Variants in CNTD1 observed in about 807,000 individuals in gnomAD.
CNTD1 encodes cyclin N-terminal domain containing 1, also known as cyclin N-terminal domain-containing protein 1.
CNTD1 carries 17 observed loss-of-function variants against 36.3 expected under a neutral mutation model. That is an observed-to-expected ratio of 0.47 (90% CI 0.32 to 0.70). The LOEUF (loss-of-function observed/expected upper bound fraction) is 0.70. Among genes scored for constraint, CNTD1 ranks in the 30% least tolerant of loss-of-function variants. CNTD1 has a pLI of 0.03. For synonymous variants in CNTD1, 128 were observed against 153.3 expected, an observed-to-expected ratio of 0.83 and a Z score of 1.22; for missense variants, 338 against 386.1, an observed-to-expected ratio of 0.88 and a Z score of 1.04.
At chr17:42,804,044 G>T (rs2054836999) in intron 2 of CNTD1, among the ~76,000 whole-genome samples, 181 bp from the exon 3 acceptor site, 1 of 151,168 alleles carries the variant, frequency 6.6e-6, no homozygotes, top group Non-Finnish European at 1.5e-5. Context: ...TTGCCATGTT[G>T]CCCAGGGTGG....
At chr17:42,804,431 G>A (rs755591350) in intron 3 of CNTD1, 35 bp downstream of exon 3, 4 of 1,581,964 alleles carry the variant, frequency 2.5e-6, no homozygotes, top group East Asian at 4.5e-5. Context: ...GCACCTGAGT[G>A]TTAGGAAGAA....
chr17:42,805,879 T>A lies in CNTD1; in HGVS notation c.575T>A (p.Val192Asp). Residue 192 changes from valine to aspartate, a missense_variant, in exon 4 of 7, where the codon GTT becomes GAT. Coordinates refer to ENST00000588408, the MANE Select transcript of CNTD1 (RefSeq NM_173478.3). ...GCATATGTGGAGACGCTCCTAGAGG[T>A]TTTAGGTATCTTACTGTGTTAGGGA... ...PLAYVETLLE[V>D]LGYNGCLVPA... 6.2e-7 allele frequency: 1 copy of A among 1,609,762 alleles called. No homozygotes were observed. The highest frequency in any genetic ancestry group is 8.5e-7 in the Non-Finnish European group (1 of 1,178,224).
intron 4 of CNTD1, 91 bp from the exon 5 acceptor site, chr17:42,806,583 T>C: frequency 1.5e-6 from 2 of 1,323,220 alleles, no homozygotes; most frequent in Non-Finnish European, 2.1e-6. Flanking sequence ...GGAAGCACAT[T>C]AGCACCTCAA....
Position 42,811,363 on chromosome 17 carries a change from T to C in CNTD1, c.*1828T>C. The C allele has an allele frequency of 3.0e-6, 1 of 330,518 alleles. No individual in the cohort carries two copies. Among genetic ancestry groups the C allele is most frequent in the East Asian group, 5.0e-5 (1 of 20,120 alleles). The allele number at this position is 330,518 out of a possible 1,614,324, so 20.5% of individuals were successfully genotyped here. On this transcript the variant is annotated 3_prime_UTR_variant, in exon 7 of 7. Transcript: ENST00000588408. ...AATCAAAAGAAGCATTCCTGTGTAT[T>C]TCCAAGGGCTTCAGGGAAAAACCTT...
intron 2 of CNTD1, 44 bp downstream of exon 2, chr17:42,803,739 T>C (rs756197975): frequency 6.8e-7 from 1 of 1,463,888 alleles, no homozygotes; most frequent in Admixed American, 1.8e-5. Context: ...CCTCTCAGAG[T>C]GGCTAATGTA....
intron 5 of CNTD1, 33 bp from the exon 6 acceptor site, chr17:42,807,735 A>G: frequency 6.9e-7 from 1 of 1,448,462 alleles, no homozygotes; most frequent in Non-Finnish European, 9.7e-7. Flanking sequence ...GTTCCATTCT[A>G]GCTTTAAAAT....
chr17:42,811,074 T>C lies in CNTD1; in HGVS notation c.*1539T>C. ...AATGATAGTGTATTTTGGATTTGCT[T>C]GAAAGCCAAAAATCAAGAAGACTGT... On this transcript the variant is annotated 3_prime_UTR_variant, in exon 7 of 7. Coordinates refer to ENST00000588408, the MANE Select transcript of CNTD1 (RefSeq NM_173478.3). 1.2e-6 allele frequency: 1 copy of C among 845,334 alleles called. No homozygotes were observed. The highest frequency in any genetic ancestry group is 1.7e-6 in the Non-Finnish European group (1 of 586,198). The allele number at this position is 845,334 out of a possible 1,614,324, so 52.4% of individuals were successfully genotyped here. A position where few individuals can be genotyped will look rare whatever the true frequency, so the allele number is the denominator to read the frequency against.
intron 1 of CNTD1, among the ~76,000 whole-genome samples, chr17:42,800,066 G>C (rs2054751488): frequency 8.7e-6 from 1 of 115,172 alleles, no homozygotes; most frequent in Non-Finnish European, 1.6e-5. Context: ...GCGAGACTCT[G>C]TCTAAAAAAA....
chr17:42,803,541 C>T (rs922189621), intron 1 of CNTD1, 79 bp from the exon 2 acceptor site: 14 of 1,130,690 alleles, frequency 1.2e-5, no homozygotes. Context: ...CCCATCACGG[C>T]TTTTACACAA....
At chr17:42,799,614 T>C (rs899042974) in intron 1 of CNTD1, among the ~76,000 whole-genome samples, 1 of 151,388 alleles carries the variant, frequency 6.6e-6, no homozygotes, top group Non-Finnish European at 1.5e-5. Context: ...TAGCCAGGAC[T>C]GGTGGCGCGC....
chr17:42,804,446 G>C (rs2054845151), intron 3 of CNTD1, 50 bp downstream of exon 3: 2 of 1,494,370 alleles, frequency 1.3e-6, no homozygotes, highest in Non-Finnish European at 1.8e-6. Context: ...GAAGAAACCA[G>C]CTTTTATACA....
rs2054988869 is a variant in CNTD1, at chr17:42,810,985, G to C, written c.*1450G>C. 1.3e-6 allele frequency: 2 copies of C among 1,489,180 alleles called. No homozygotes were observed. Among genetic ancestry groups the C allele is most frequent in the Non-Finnish European group, 1.8e-6 (2 of 1,110,616 alleles). The allele number at this position is 1,489,180 out of a possible 1,614,324, so 92.2% of individuals were successfully genotyped here. On this transcript the variant is annotated 3_prime_UTR_variant, in exon 7 of 7. Transcript: ENST00000588408. ...ACTGAGATCTGAGTTAAGTAAGTTC[G>C]GGGCAGGGACTTGATCATGGGACCA...
At chr17:42,806,189 C>T (rs963683785) in intron 4 of CNTD1, among the ~76,000 whole-genome samples, 19 of 151,260 alleles carry the variant, frequency 1.3e-4, no homozygotes, top group Middle Eastern at 3.4e-3. Flanking sequence ...GATCATGCCA[C>T]TGCACTCCAG....
intron 4 of CNTD1, 69 bp downstream of exon 4, chr17:42,805,953 G>A (rs1360122053): frequency 2.8e-6 from 4 of 1,426,512 alleles, no homozygotes; most frequent in Non-Finnish European, 3.8e-6. Flanking sequence ...GTGCATGGGG[G>A]GGCATGGCTC....
chr17:42,803,808 CCTCT>C (rs2054833515), intron 2 of CNTD1, 113 bp downstream of exon 2: 9 of 771,810 alleles, frequency 1.2e-5, no homozygotes, highest in African/African-American at 3.5e-5. Context: ...GGTTTTACAC[CCTCT>C]CTAACTTGCA....
Position 42,804,363 on chromosome 17 carries a change from T to C in CNTD1, c.384T>C (p.Val128=). The C allele has an allele frequency of 1.2e-6, 2 of 1,614,146 alleles. No individual in the cohort carries two copies. The highest frequency in any genetic ancestry group is 1.7e-6 in the Non-Finnish European group (2 of 1,180,004). Residue 128 remains valine, a synonymous_variant, in exon 3 of 7, where the codon GTT becomes GTC. Transcript: ENST00000588408. ...NKFTLRLVSC[V]QLASKLSFRN... is the part of the protein sequence containing the mutation. ...TTACTCTCCGTCTTGTGTCATGTGT[T>C]CAGCTGGCCAGCAAACTTTCCTTCC... is the stretch of plus-strand genomic sequence containing the variant.
At chr17:42,806,324 AAC>A (rs2054878664) in intron 4 of CNTD1, among the ~76,000 whole-genome samples, 1 of 152,062 alleles carries the variant, frequency 6.6e-6, no homozygotes, top group Non-Finnish European at 1.5e-5. Context: ...GGATGACTGA[AAC>A]AGGTGTTCCC....
upstream of CNTD1, chr17:42,798,786 C>G (rs764136234): frequency 6.8e-7 from 1 of 1,466,822 alleles, no homozygotes; most frequent in Non-Finnish European, 9.0e-7. Flanking sequence ...GTGCCCTTTG[C>G]GGGGCAGAGC....
At chr17:42,798,853 G>C (rs1185892559), upstream of CNTD1, 2 of 1,441,358 alleles carry the variant, frequency 1.4e-6, no homozygotes, top group African/African-American at 2.9e-5. Flanking sequence ...CGTGCTTTCT[G>C]ATTGGCTGAG....
Sources: gnomAD v4.1 joint callset for allele counts (sites outside exome capture counted in the v4.1 genomes callset) on GRCh38, gnomAD v4.1.1 for gene constraint, MANE v1.5 for transcripts, NCBI Gene and HGNC (gene_info 2026-07-23, HGNC 2026-07-21) for gene names.